Variants in VIT observed in about 807,000 individuals in gnomAD.
VIT encodes vitrin.
In VIT, 99 loss-of-function variants were observed where a neutral mutation model predicts 78.0. The ratio of observed to expected loss-of-function variants is 1.27; its 90% CI spans 1.08 to 1.50. The LOEUF is 1.50. Among genes scored for constraint, VIT ranks in the 40% most tolerant of loss-of-function variants. VIT has a pLI of 0.00. For missense variants in VIT, 1,126 were observed against 875.3 expected (o/e 1.29, Z -3.61); for synonymous variants, 374 against 334.3 (o/e 1.12, Z -1.29).
chr2:36,772,895 C>T (rs777848094), intron 7 of VIT, among the ~76,000 whole-genome samples: 1 of 152,172 alleles, frequency 6.6e-6, no homozygotes, highest in Non-Finnish European at 1.5e-5. Context: ...CTGGGTTTTA[C>T]GTGCCTCTCT....
At chr2:36,716,511 C>A in intron 2 of VIT, 89 bp downstream of exon 2, 1 of 1,144,438 alleles carries the variant, frequency 8.7e-7, no homozygotes. Context: ...TAAACCAAGA[C>A]AGAGCATATA....
chr2:36,759,063 G>C lies in VIT; in HGVS notation c.487+17G>C. 6.2e-7 allele frequency: 1 copy of C among 1,614,128 alleles called. No individual in the cohort carries two copies. Among genetic ancestry groups the C allele is most frequent in the South Asian group, 1.1e-5 (1 of 91,074 alleles). ...CCCAAGCAGGCAAGTGCTCACGTGT[G>C]ATTGAATCTAAACCTTCTGAGTCCA... On this transcript the variant is annotated intron_variant, in intron 6 of 15. Coordinates refer to ENST00000379242, the MANE Select transcript of VIT (RefSeq NM_053276.4).
intron 9 of VIT, among the ~76,000 whole-genome samples, chr2:36,777,028 G>A (rs187401154): frequency 0.014 from 2,004 of 146,912 alleles, 33 homozygotes; most frequent in Non-Finnish European, 0.015. Context: ...GGCGGAGCTT[G>A]CAGTGAGCCG....
At position 36,811,875 on chromosome 2, in the gene VIT, C is replaced by T. The variant is rs574468673; in HGVS notation, c.1904-2308C>T. On this transcript the variant is annotated intron_variant, in intron 15 of 15. Coordinates refer to ENST00000379242, the MANE Select transcript of VIT (RefSeq NM_053276.4). Reference sequence around the variant, plus strand: ...ATTTTTAGTGGAGACGGAGTTTCACCATGTTGGCTAGGCTGGTCTTGAACT... The same window carrying T: ...ATTTTTAGTGGAGACGGAGTTTCACTATGTTGGCTAGGCTGGTCTTGAACT... Among the ~76,000 whole-genome samples the T allele has an allele frequency of 2.5e-4, 38 of 152,142 alleles. No individual in the cohort carries two copies. The South Asian group carries it at 7.7e-3, about 31-fold the overall frequency.
At position 36,734,928 on chromosome 2, in the gene VIT, C is replaced by G. The variant is rs554965111; in HGVS notation, c.118+5437C>G. Among the ~76,000 whole-genome samples, 3 of 152,202 alleles carry G rather than the reference C, an allele frequency of 2.0e-5. No individual in the cohort carries two copies. The East Asian group carries it at 5.8e-4, about 29-fold the overall frequency. ...CCTATAATCCCAGCACTTTGGGAGG[C>G]CGAGGCAGGTGGATCGCCTGAGGTC... On this transcript the variant is annotated intron_variant, in intron 3 of 15. Transcript: ENST00000379242.
At chr2:36,798,929 G>A (rs987859789) in intron 12 of VIT, among the ~76,000 whole-genome samples, 1 of 152,170 alleles carries the variant, frequency 6.6e-6, no homozygotes, top group Non-Finnish European at 1.5e-5. Context: ...TTGATAGGAA[G>A]GTCACGCCCA....
intron 15 of VIT, among the ~76,000 whole-genome samples, chr2:36,809,721 T>G (rs569041033): frequency 6.6e-6 from 1 of 152,340 alleles, no homozygotes; most frequent in East Asian, 1.9e-4. Flanking sequence ...AGCCATGTAC[T>G]GGTACCTTTT....
chr2:36,717,427 A>G (rs1186187317), intron 2 of VIT, among the ~76,000 whole-genome samples: 1 of 46,684 alleles, frequency 2.1e-5, no homozygotes, highest in African/African-American at 4.0e-5. Context: ...CGTGTGAGAC[A>G]GGGTTTCACC....
chr2:36,732,414 A>T (rs1487511080), intron 3 of VIT, among the ~76,000 whole-genome samples: 1 of 152,256 alleles, frequency 6.6e-6, no homozygotes, highest in Non-Finnish European at 1.5e-5. Context: ...ATTATTAAAT[A>T]GGGAAAAAAA....
intron 2 of VIT, among the ~76,000 whole-genome samples, chr2:36,721,856 CT>C (rs1297516314): frequency 8.5e-5 from 13 of 152,224 alleles, no homozygotes; most frequent in Non-Finnish European, 1.5e-5. Flanking sequence ...TTCCTAAGCA[CT>C]TCCTTGGTGT....
intron 1 of VIT, among the ~76,000 whole-genome samples, chr2:36,700,400 GTGGTGGTGGCGA>G (rs992132688): frequency 3.9e-5 from 6 of 152,030 alleles, no homozygotes; most frequent in African/African-American, 1.4e-4. Flanking sequence ...GATGGTGGCG[GTGGTGGTGGCGA>G]TGTTATAATG....
At chr2:36,775,294 G>T (rs556902027) in intron 9 of VIT, among the ~76,000 whole-genome samples, 1 of 152,184 alleles carries the variant, frequency 6.6e-6, no homozygotes, top group African/African-American at 2.4e-5. Context: ...GACATCCAAG[G>T]GCTGTCATTA....
intron 12 of VIT, chr2:36,788,025 G>A: frequency 3.4e-6 from 1 of 295,838 alleles, no homozygotes; most frequent in South Asian, 2.8e-5. Context: ...CAGATACATA[G>A]ATATTGATAA....
chr2:36,763,741 C>T (rs1276775152), intron 6 of VIT, among the ~76,000 whole-genome samples: 1 of 152,026 alleles, frequency 6.6e-6, no homozygotes, highest in African/African-American at 2.4e-5. Flanking sequence ...AGGGATGTGC[C>T]ACCACCTCTG....
intron 1 of VIT, among the ~76,000 whole-genome samples, chr2:36,700,542 G>A (rs1203970112): frequency 6.6e-6 from 1 of 152,076 alleles, no homozygotes; most frequent in African/African-American, 2.4e-5. Context: ...AGGAGTTTGA[G>A]ACCAGCCCAG....
At position 36,723,805 on chromosome 2, in the gene VIT, G is replaced by A. The variant is rs765102384; in HGVS notation, c.53-5621G>A. ...TGTCTCTATAAAAAATAAAAAAGTAGCCAGGCACGGTGGCACACGTCTGTA... is the reference window on the plus strand; with the variant it reads ...TGTCTCTATAAAAAATAAAAAAGTAACCAGGCACGGTGGCACACGTCTGTA... On this transcript the variant is annotated intron_variant, in intron 2 of 15. Transcript: ENST00000379242. Among the ~76,000 whole-genome samples, 11 of 152,076 alleles carry A rather than the reference G, an allele frequency of 7.2e-5. No homozygotes were observed. The South Asian group carries it at 1.0e-3, about 14-fold the overall frequency.
At chr2:36,797,795 T>A (rs192713228) in intron 12 of VIT, among the ~76,000 whole-genome samples, 54 of 152,210 alleles carry the variant, frequency 3.5e-4, no homozygotes, top group African/African-American at 1.3e-3. Context: ...CACCAAAGTT[T>A]AGAGGTTTAG....
At chr2:36,716,176 G>A (rs1249469163) in intron 1 of VIT, among the ~76,000 whole-genome samples, 177 bp from the exon 2 acceptor site, 1 of 152,154 alleles carries the variant, frequency 6.6e-6, no homozygotes, top group African/African-American at 2.4e-5. Flanking sequence ...GCATCTCTGG[G>A]TACCAGCAAG....
intron 3 of VIT, among the ~76,000 whole-genome samples, chr2:36,738,748 A>C (rs1375609122): frequency 6.6e-6 from 1 of 152,358 alleles, no homozygotes; most frequent in Admixed American, 6.5e-5. Context: ...TGTGCGAGAC[A>C]ACATGCATTT....
Sources: allele counts gnomAD v4.1 joint callset (sites outside exome capture counted in the v4.1 genomes callset), GRCh38; gene constraint gnomAD v4.1.1; transcripts MANE v1.5; gene names NCBI Gene and HGNC (gene_info 2026-07-23, HGNC 2026-07-21).